The following EVC2 variants were observed in gnomAD, a reference collection of about 807,000 sequenced individuals.
The protein encoded by EVC2 is EvC ciliary complex subunit 2.
Under a neutral mutation model 149.3 loss-of-function variants are expected in EVC2, and 148 were observed. The ratio of observed to expected loss-of-function variants is 0.99; its 90% CI spans 0.87 to 1.14. The LOEUF (loss-of-function observed/expected upper bound fraction) is 1.14, where lower values mean the gene tolerates loss of function less well. Among genes scored for constraint, EVC2 ranks in the 50% most tolerant of loss-of-function variants. The pLI is 0.00. For missense variants in EVC2, 1,854 were observed against 1,627.3 expected, an observed-to-expected ratio of 1.14 and a Z score of -2.40; for synonymous variants, 776 against 649.9, an observed-to-expected ratio of 1.19 and a Z score of -2.95.
chr4:5,536,645 A>G, the EVC2 span, among the ~76,000 whole-genome samples: 98 of 152,166 alleles, frequency 6.4e-4, 2 homozygotes, highest in South Asian at 8.3e-3. Flanking sequence ...TTAGCTGGGC[A>G]TGGTGGCGGG....
intron 10 of EVC2, among the ~76,000 whole-genome samples, chr4:5,635,288 C>G (rs931110906): frequency 1.2e-4 from 19 of 152,036 alleles, no homozygotes; most frequent in African/African-American, 4.6e-4. Context: ...CCACCTGTCT[C>G]GGCATCCCAA....
At chr4:5,601,422 A>G (rs1482178611) in intron 16 of EVC2, among the ~76,000 whole-genome samples, 2 of 152,156 alleles carry the variant, frequency 1.3e-5, no homozygotes, top group Non-Finnish European at 2.9e-5. Flanking sequence ...TTAGAAATTG[A>G]TTGAAAACAT....
In EVC2 at chr4:5,640,571, C is replaced by G; in HGVS notation, c.1413G>C (p.Gln471His). 6.2e-7 allele frequency: 1 copy of G among 1,614,158 alleles called. No homozygotes were observed. Among genetic ancestry groups the G allele is most frequent in the Non-Finnish European group, 8.5e-7 (1 of 1,180,026 alleles). ...ETRKKMENQY[Q>H]REMMAMEEAE... ...CTTCCTCCATTGCCATCATCTCTCTCTGGTACTGGTTTTCCATCTTCTTTC... is the reference window on the plus strand; with the variant it reads ...CTTCCTCCATTGCCATCATCTCTCTGTGGTACTGGTTTTCCATCTTCTTTC... Residue 471 changes from glutamine to histidine, a missense_variant, in exon 10 of 22, where the codon CAG becomes CAC. Gln to His is a conservative substitution (Grantham distance 24, BLOSUM62 0). Coordinates refer to ENST00000344408, the MANE Select transcript of EVC2 (RefSeq NM_147127.5). This position sits in a 1 kb window ranked among gnomAD's most constrained non-coding sequence, Gnocchi z 4.6.
At chr4:5,583,619 T>C (rs563708434) in intron 17 of EVC2, among the ~76,000 whole-genome samples, 2 of 152,308 alleles carry the variant, frequency 1.3e-5, no homozygotes, top group Middle Eastern at 6.8e-3. Context: ...TTTCAGTTTT[T>C]GAATTCATCT....
intron 9 of EVC2, among the ~76,000 whole-genome samples, chr4:5,662,158 T>C (rs1718922362): frequency 6.6e-6 from 1 of 152,146 alleles, no homozygotes. Flanking sequence ...CAAACGCACC[T>C]TGCTCCTTTC....
chr4:5,689,492 A>G, intron 4 of EVC2, 149 bp from the exon 5 acceptor site: 1 of 794,712 alleles, frequency 1.3e-6, no homozygotes. Flanking sequence ...TATCAGTCTC[A>G]GTATGATTTC....
At chr4:5,628,896 T>C (rs1471034431) in intron 11 of EVC2, among the ~76,000 whole-genome samples, 162 bp from the exon 12 acceptor site, 1 of 152,212 alleles carries the variant, frequency 6.6e-6, no homozygotes, top group African/African-American at 2.4e-5. Context: ...CAAAGGCTTA[T>C]GAGAAAATTA....
intron 9 of EVC2, among the ~76,000 whole-genome samples, chr4:5,658,636 C>A (rs58851508): frequency 1.3e-5 from 2 of 152,060 alleles, no homozygotes; most frequent in Non-Finnish European, 2.9e-5. Flanking sequence ...TTCTTTGACT[C>A]TGAAAAAATC....
chr4:5,533,754 G>A, the EVC2 span, among the ~76,000 whole-genome samples: 1 of 152,230 alleles, frequency 6.6e-6, no homozygotes, highest in Non-Finnish European at 1.5e-5. Flanking sequence ...AAAGAAAACA[G>A]GGCATGGGGG....
intron 9 of EVC2, among the ~76,000 whole-genome samples, chr4:5,643,823 A>G (rs1248780332): frequency 6.6e-6 from 1 of 152,150 alleles, no homozygotes; most frequent in Non-Finnish European, 1.5e-5. Flanking sequence ...CGGGTGGCTG[A>G]GGCGGAGGTT....
chr4:5,585,578 TG>T (rs1437890423), intron 16 of EVC2, among the ~76,000 whole-genome samples: 13 of 152,316 alleles, frequency 8.5e-5, no homozygotes, highest in Middle Eastern at 3.4e-3. Flanking sequence ...GAGTTTAGTT[TG>T]TTTTTTTAAC....
chr4:5,676,077 G>C (rs1390474298), intron 7 of EVC2, among the ~76,000 whole-genome samples: 1 of 152,138 alleles, frequency 6.6e-6, no homozygotes, highest in African/African-American at 2.4e-5. Flanking sequence ...CTGTTCTCCT[G>C]GTGCCCGGCA....
intron 7 of EVC2, among the ~76,000 whole-genome samples, chr4:5,673,563 T>G (rs1442461951): frequency 1.7e-5 from 1 of 58,674 alleles, no homozygotes; most frequent in East Asian, 4.7e-4. Flanking sequence ...TTATCCCGGC[T>G]TCCCCCCCAG....
In EVC2 at chr4:5,618,613, G is replaced by A. The variant is rs533262793; in HGVS notation, c.2571C>T (p.Gly857=). Reference sequence around the variant, plus strand: ...AGCTCCTGTCCATCTGAGCAAAGCAGCCATGGACCTCCTGCCTCATCCTGA... The same window carrying A: ...AGCTCCTGTCCATCTGAGCAAAGCAACCATGGACCTCCTGCCTCATCCTGA... ...ELLRMRQEVH[G]CFAQMDRSLA... is the part of the protein sequence containing the mutation. Residue 857 remains glycine (G), a synonymous_variant, in exon 15 of 22, where the codon GGC becomes GGT. Coordinates refer to ENST00000344408, the MANE Select transcript of EVC2 (RefSeq NM_147127.5). The surrounding 1 kb of genome is among the most constrained non-coding windows in gnomAD (Gnocchi z 4.4). The A allele has an allele frequency of 2.5e-4, 401 of 1,613,558 alleles. No homozygotes were observed. The South Asian group carries it at 4.2e-3, about 17-fold the overall frequency.
At chr4:5,544,374 T>A (rs1342533945) in intron 21 of EVC2, among the ~76,000 whole-genome samples, 2 of 152,220 alleles carry the variant, frequency 1.3e-5, no homozygotes, top group Admixed American at 6.5e-5. Flanking sequence ...GATTCAAATT[T>A]ATTTTCTCTG....
chr4:5,594,102 G>C (rs2108800670), intron 16 of EVC2, among the ~76,000 whole-genome samples: 1 of 152,310 alleles, frequency 6.6e-6, no homozygotes, highest in East Asian at 1.9e-4. Flanking sequence ...CACAGCTCAA[G>C]CAGGCCTGCC....
chr4:5,692,893 A>AAG (rs1721218397), intron 3 of EVC2, among the ~76,000 whole-genome samples: 2 of 119,730 alleles, frequency 1.7e-5, no homozygotes, highest in East Asian at 3.3e-4. Flanking sequence ...AAAAAAAAGA[A>AAG]AAAAGAAAAT....
At position 5,584,623 on chromosome 4, in the gene EVC2, C is replaced by T; in HGVS notation, c.3057G>A (p.Arg1019=). The T allele has an allele frequency of 1.9e-6, 3 of 1,612,470 alleles. No individual in the cohort carries two copies. Among genetic ancestry groups the T allele is most frequent in the Non-Finnish European group, 2.5e-6 (3 of 1,179,370 alleles). ...TCTCCTTCCCAGCGCCTGCACTCAC[C>T]CGGCTGTGCGACTCCAGGATCTGTG... ...ACTQILESHS[R]ELQELERKLE... is the part of the protein sequence containing the mutation. Residue 1019 remains arginine (R), a splice_region_variant and synonymous_variant, in exon 17 of 22, where the codon CGG becomes CGA. Coordinates refer to ENST00000344408, the MANE Select transcript of EVC2 (RefSeq NM_147127.5).
At chr4:5,621,776 G>C (rs1715705384) in intron 14 of EVC2, among the ~76,000 whole-genome samples, 1 of 152,218 alleles carries the variant, frequency 6.6e-6, no homozygotes, top group Non-Finnish European at 1.5e-5. Context: ...TTGGGAGGCT[G>C]AGGCGGGAGG....
Sources: gnomAD v4.1 joint callset for allele counts (sites outside exome capture counted in the v4.1 genomes callset) on GRCh38, gnomAD v4.1.1 for gene constraint, Gnocchi (gnomAD v3.1) non-coding constraint, MANE v1.5 for transcripts, NCBI Gene and HGNC (gene_info 2026-07-23, HGNC 2026-07-21) for gene names.